Variants in SPTAN1 observed in about 807,000 individuals in gnomAD.
SPTAN1 encodes the protein spectrin alpha, non-erythrocytic 1.
A neutral mutation model predicts 331.3 loss-of-function variants in SPTAN1; 61 were observed. That is an observed-to-expected ratio of 0.18 (90% confidence interval 0.15 to 0.23). The LOEUF (loss-of-function observed/expected upper bound fraction) is 0.23, where lower values mean the gene tolerates loss of function less well. Among genes scored for constraint, SPTAN1 ranks in the 10% least tolerant of loss-of-function variants. The pLI, the probability that SPTAN1 is intolerant of heterozygous loss-of-function variation, is 1.00. For missense variants in SPTAN1, 2,043 were observed against 3,147.9 expected (o/e 0.65, Z 8.40); for synonymous variants, 1,153 against 1,173.9 (o/e 0.98, Z 0.36).
chr9:128,555,620 CTTTTTT>C (rs751209866), intron 1 of SPTAN1, among the ~76,000 whole-genome samples: 5 of 49,438 alleles, frequency 1.0e-4, no homozygotes, highest in African/African-American at 8.8e-5. Context: ...TTTGCAAAGC[CTTTTTT>C]TTTTTTTTTT....
At chr9:128,584,672 G>A in intron 17 of SPTAN1, 49 bp from the exon 18 acceptor site, 1 of 1,614,144 alleles carries the variant, frequency 6.2e-7, no homozygotes, top group Non-Finnish European at 8.5e-7. Context: ...AATCAGTGCT[G>A]ACTTTTCTCT....
chr9:128,608,135 C>G lies in SPTAN1; in HGVS notation c.4350C>G (p.Phe1450Leu). 6.2e-7 allele frequency: 1 copy of G among 1,614,144 alleles called. No individual in the cohort carries two copies. The highest frequency in any genetic ancestry group is 8.5e-7 in the Non-Finnish European group (1 of 1,180,034). The change falls in exon 34 of 57, where the codon TTC (phenylalanine) becomes TTG (leucine). Residue 1450 changes from phenylalanine (F) to leucine (L), a missense_variant. Phe to Leu is a conservative substitution (Grantham distance 22). Coordinates refer to ENST00000372739, the MANE Select transcript of SPTAN1 (RefSeq NM_001130438.3). ...MLDQCLELQL[F>L]HRDCEQAENW... ...CTGCCTCTTGCCCTCTTTAGCTGTT[C>G]CATCGGGACTGTGAGCAAGCTGAGA...
At chr9:128,565,485 A>T (rs1158413880) in intron 1 of SPTAN1, among the ~76,000 whole-genome samples, 1 of 152,270 alleles carries the variant, frequency 6.6e-6, no homozygotes, top group African/African-American at 2.4e-5. Flanking sequence ...ACACTTCTCC[A>T]GGAAGGTGGT....
intron 18 of SPTAN1, 144 bp from the exon 19 acceptor site, chr9:128,585,604 C>A: frequency 1.3e-6 from 1 of 746,008 alleles, no homozygotes; most frequent in Non-Finnish European, 2.3e-6. Context: ...CTGAGCCTCT[C>A]AAAAAAAATG....
At chr9:128,589,290 CTT>C (rs1171749676) in intron 21 of SPTAN1, among the ~76,000 whole-genome samples, 5 of 126,982 alleles carry the variant, frequency 3.9e-5, no homozygotes, top group Admixed American at 8.6e-5. Flanking sequence ...TTTTTCTTTT[CTT>C]TTTTTTTTTT....
chr9:128,573,762 CT>C (rs1015803577), intron 3 of SPTAN1, among the ~76,000 whole-genome samples: 5 of 150,684 alleles, frequency 3.3e-5, no homozygotes, highest in South Asian at 2.1e-4. Flanking sequence ...CCCTTTTCTA[CT>C]TTTTTTTTGA....
chr9:128,585,017 T>C (rs907692379), intron 18 of SPTAN1, among the ~76,000 whole-genome samples, 174 bp downstream of exon 18: 4 of 145,236 alleles, frequency 2.8e-5, no homozygotes, highest in African/African-American at 1.0e-4. Context: ...CTGAATTTCT[T>C]TTTTTTTTTT....
chr9:128,587,775 A>G (rs1355147562), intron 20 of SPTAN1, 77 bp downstream of exon 20: 2 of 1,179,150 alleles, frequency 1.7e-6, no homozygotes, highest in East Asian at 2.4e-5. Context: ...TGTTCCTATC[A>G]TAGGCCCCAT....
Position 128,603,572 on chromosome 9 carries a change from C to T in SPTAN1, c.3609C>T (p.Ala1203=), listed in dbSNP as rs1855444037. 5.6e-6 allele frequency: 9 copies of T among 1,614,210 alleles called. No individual in the cohort carries two copies. The highest frequency in any genetic ancestry group is 7.6e-6 in the Non-Finnish European group (9 of 1,180,040). The change falls in exon 28 of 57, where the codon GCC becomes GCT. Residue 1203 remains alanine (A), a synonymous_variant. Coordinates refer to ENST00000372739, the MANE Select transcript of SPTAN1 (RefSeq NM_001130438.3). Reference sequence around the variant, plus strand: ...CTCGTCTGATGGTTCACACCGTGGCCACCTTTAATTCCATCAAGGTAAGAA... The same window carrying T: ...CTCGTCTGATGGTTCACACCGTGGCTACCTTTAATTCCATCAAGGTAAGAA... ...KSARLMVHTV[A]TFNSIKELNE... is the part of the protein sequence containing the mutation.
intron 1 of SPTAN1, among the ~76,000 whole-genome samples, chr9:128,558,342 T>G (rs1482866139): frequency 6.6e-6 from 1 of 152,280 alleles, no homozygotes; most frequent in Non-Finnish European, 1.5e-5. Context: ...CAGTCTCCTC[T>G]AATAATATTT....
intron 52 of SPTAN1, 75 bp from the exon 53 acceptor site, chr9:128,632,052 G>A (rs958213166): frequency 6.7e-7 from 1 of 1,491,238 alleles, no homozygotes; most frequent in Non-Finnish European, 9.2e-7. Flanking sequence ...GGAACCAGAG[G>A]GCAGTAAGTG....
rs767550664 is a variant in SPTAN1 at position 128,582,704 on chromosome 9, G to A, written c.1661G>A (p.Arg554His). 16 of 1,613,220 alleles carry A rather than the reference G, an allele frequency of 9.9e-6. No individual in the cohort carries two copies. The highest frequency in any genetic ancestry group is 1.7e-5 in the Admixed American group (1 of 59,984). Residue 554 changes from arginine to histidine, a missense_variant, in exon 14 of 57, where the codon CGC (arginine) becomes CAC (histidine). Physicochemically the swap from Arg to His is conservative, Grantham distance 29. Around this residue, in one of 12 missense-constraint regions of SPTAN1, gnomAD observed 1,038 missense variants for 1,531.5 expected, o/e 0.68. Coordinates refer to ENST00000372739, the MANE Select transcript of SPTAN1 (RefSeq NM_001130438.3). ...ATCCTTGTCTTTCAGCTGTTGAGCC[G>A]CCGCAATGCCCTTCACGAGAGAGCC... ...VATRRDALLSRRNALHERAMR... is the reference protein window; with the variant it reads ...VATRRDALLSHRNALHERAMR...
intron 18 of SPTAN1, 87 bp from the exon 19 acceptor site, chr9:128,585,661 C>T (rs1320653830): frequency 3.9e-5 from 43 of 1,109,076 alleles, no homozygotes; most frequent in Admixed American, 3.4e-5. Context: ...ATGAAAGTGC[C>T]GTGAACACAC....
chr9:128,593,265 T>C, intron 23 of SPTAN1: 2 of 615,184 alleles, frequency 3.3e-6, no homozygotes, highest in Non-Finnish European at 6.0e-6. Context: ...TGCAGCTGTG[T>C]GTTCAGAGTG....
At chr9:128,567,112 T>A in intron 2 of SPTAN1, 135 bp downstream of exon 2, 1 of 1,297,144 alleles carries the variant, frequency 7.7e-7, no homozygotes, top group Non-Finnish European at 1.1e-6. Flanking sequence ...AAGGACAAAC[T>A]CATTGTTTTC....
Position 128,629,337 on chromosome 9 carries a change from T to A in SPTAN1, c.6708-984T>A. 1 of 392,716 alleles carries A rather than the reference T, an allele frequency of 2.5e-6. No individual in the cohort carries two copies. The allele number at this position is 392,716 out of a possible 1,614,324, so 24.3% of individuals were successfully genotyped here. On this transcript the variant is annotated intron_variant, in intron 51 of 56. Transcript: ENST00000372739. The surrounding 1 kb of genome is among the most constrained non-coding windows in gnomAD (Gnocchi z 4.9). ...CCCACTGCACCGGCACCCAGCCTCCTGCCCCCAGGTCCTGGGGGGCATTTT... is the reference window on the plus strand; with the variant it reads ...CCCACTGCACCGGCACCCAGCCTCCAGCCCCCAGGTCCTGGGGGGCATTTT...
At chr9:128,622,640 C>T (rs1255170737) in intron 45 of SPTAN1, among the ~76,000 whole-genome samples, 1 of 152,150 alleles carries the variant, frequency 6.6e-6, no homozygotes, top group East Asian at 1.9e-4. Flanking sequence ...CCTGTTTCCT[C>T]TTTGAATTTA....
chr9:128,581,842 A>C lies in SPTAN1; in HGVS notation c.1522A>C (p.Lys508Gln). 2 of 1,614,132 alleles carry C rather than the reference A, an allele frequency of 1.2e-6. No individual in the cohort carries two copies. The highest frequency in any genetic ancestry group is 1.7e-6 in the Non-Finnish European group (2 of 1,179,988). Residue 508 changes from lysine to glutamine, a missense_variant, in exon 12 of 57, where the codon AAG becomes CAG. Transcript: ENST00000372739. Reference sequence around the variant, plus strand: ...GGATAGTGTGGAAGCGCTTCTTAAGAAGCACGAAGACTTTGAGAAATCCCT... The same window carrying C: ...GGATAGTGTGGAAGCGCTTCTTAAGCAGCACGAAGACTTTGAGAAATCCCT... The part of the protein sequence containing the change: ...SLDSVEALLK[K>Q]HEDFEKSLSA...
chr9:128,563,487 G>C (rs1849652552), intron 1 of SPTAN1, among the ~76,000 whole-genome samples: 1 of 152,304 alleles, frequency 6.6e-6, no homozygotes, highest in Middle Eastern at 3.4e-3. Context: ...TGGTAATTCA[G>C]ATTTAGTCAT....
Sources: allele counts gnomAD v4.1 joint callset (sites outside exome capture counted in the v4.1 genomes callset), GRCh38; gene constraint gnomAD v4.1.1; regional missense constraint gnomAD v4.1.1; non-coding constraint Gnocchi (gnomAD v3.1); transcripts MANE v1.5; gene names NCBI Gene and HGNC (gene_info 2026-07-23, HGNC 2026-07-21).